COL26A1: variants seen among roughly 807,000 people sequenced by gnomAD.
The protein encoded by COL26A1 is collagen type XXVI alpha 1 chain, also known as collagen alpha-1(XXVI) chain.
Under a neutral mutation model 59.3 loss-of-function variants are expected in COL26A1, and 41 were observed. The observed-to-expected ratio is 0.69, with a 90% CI of 0.54 to 0.90. The LOEUF is 0.90. COL26A1 is among the 40% of genes least tolerant of loss of function. The probability of loss-of-function intolerance (pLI) is 0.00; values close to 1 mark genes in which losing one functional copy is unlikely to be tolerated. For synonymous variants in COL26A1, 266 were observed against 256.0 expected (o/e 1.04, Z -0.37); for missense variants, 612 against 602.3 (o/e 1.02, Z -0.17).
At chr7:101,531,656 G>A (rs546723367) in intron 3 of COL26A1, among the ~76,000 whole-genome samples, 24 of 152,256 alleles carry the variant, frequency 1.6e-4, no homozygotes, top group African/African-American at 5.3e-4. Flanking sequence ...CTCTTGACCC[G>A]AGACTGAGCA....
chr7:101,482,538 G>T (rs1327931239), intron 3 of COL26A1, among the ~76,000 whole-genome samples: 5 of 152,100 alleles, frequency 3.3e-5, no homozygotes, highest in Admixed American at 6.6e-5. Flanking sequence ...CATGATGCAG[G>T]ATATTGTAAT....
At chr7:101,436,516 T>C (rs1431109246) in intron 2 of COL26A1, among the ~76,000 whole-genome samples, 2 of 151,682 alleles carry the variant, frequency 1.3e-5, no homozygotes, top group Non-Finnish European at 2.9e-5. Context: ...GGCATCTGGC[T>C]CCCCCAGGCA....
chr7:101,539,268 C>A lies in COL26A1; in HGVS notation c.448-625C>A, dbSNP rs1795551086. Reference sequence around the variant, plus strand: ...CTCTCCTCCCTCCCTTTCTTCCCTTCCTTTTCTGTCTGTGTGTGTGTGTGT... The same window carrying A: ...CTCTCCTCCCTCCCTTTCTTCCCTTACTTTTCTGTCTGTGTGTGTGTGTGT... On this transcript the variant is annotated intron_variant, in intron 4 of 12. Transcript: ENST00000313669. Among the ~76,000 whole-genome samples, 5 of 151,342 alleles carry A rather than the reference C, an allele frequency of 3.3e-5. No homozygotes were observed. The South Asian group carries it at 1.0e-3, about 32-fold the overall frequency.
intron 2 of COL26A1, among the ~76,000 whole-genome samples, chr7:101,423,270 C>A (rs1357194651): frequency 6.6e-6 from 1 of 150,614 alleles, no homozygotes; most frequent in Non-Finnish European, 1.5e-5. Context: ...CCTCTCAAAA[C>A]AAAAACCAAA....
intron 1 of COL26A1, among the ~76,000 whole-genome samples, chr7:101,369,940 G>A (rs10953340): frequency 0.58 from 87,955 of 151,616 alleles, 27,094 homozygotes; most frequent in African/African-American, 0.8. Context: ...TCGGCTCACC[G>A]CAACTTCCGC....
At chr7:101,520,450 C>T (rs13223741) in intron 3 of COL26A1, among the ~76,000 whole-genome samples, 5,348 of 152,116 alleles carry the variant, frequency 0.035, 122 homozygotes, top group Non-Finnish European at 0.052. Context: ...TTTGAGAGGC[C>T]GAGGTGGGAG....
At chr7:101,427,459 C>T (rs1792675494) in intron 2 of COL26A1, among the ~76,000 whole-genome samples, 2 of 151,806 alleles carry the variant, frequency 1.3e-5, no homozygotes, top group African/African-American at 4.8e-5. Flanking sequence ...GTCAGGAGTT[C>T]GAGACCAGCC....
chr7:101,436,402 T>C (rs1047899654), intron 2 of COL26A1, among the ~76,000 whole-genome samples: 1 of 152,158 alleles, frequency 6.6e-6, no homozygotes, highest in Admixed American at 6.5e-5. Flanking sequence ...CCCAGTCTGT[T>C]TCTCCCCTCG....
chr7:101,513,571 T>C (rs1167035472), intron 3 of COL26A1, among the ~76,000 whole-genome samples: 1 of 151,774 alleles, frequency 6.6e-6, no homozygotes, highest in East Asian at 1.9e-4. Flanking sequence ...TCTCAAGCTC[T>C]TGGCCTCAAG....
intron 11 of COL26A1, 104 bp downstream of exon 11, chr7:101,553,480 C>A (rs761478868): frequency 3.6e-4 from 412 of 1,159,470 alleles, no homozygotes; most frequent in Non-Finnish European, 4.7e-4. Context: ...CAGCCAGCCC[C>A]GAGCTGGGTG....
chr7:101,475,967 CTT>C (rs1381401056), intron 3 of COL26A1, among the ~76,000 whole-genome samples: 4 of 147,378 alleles, frequency 2.7e-5, no homozygotes, highest in Non-Finnish European at 5.9e-5. Context: ...CTCCCTCTCT[CTT>C]TGTCTCTCTT....
intron 3 of COL26A1, among the ~76,000 whole-genome samples, chr7:101,457,480 T>C (rs982361015): frequency 2.6e-5 from 4 of 152,102 alleles, no homozygotes; most frequent in African/African-American, 7.2e-5. Context: ...AAGGAATCCG[T>C]TTTAGGGAGA....
chr7:101,488,593 C>G (rs1006203822), intron 3 of COL26A1, among the ~76,000 whole-genome samples: 1 of 151,804 alleles, frequency 6.6e-6, no homozygotes, highest in Non-Finnish European at 1.5e-5. Flanking sequence ...CCAGGCTGGT[C>G]TCGAACCCCT....
chr7:101,419,056 CTCTT>C (rs1792445200), intron 1 of COL26A1, among the ~76,000 whole-genome samples: 1 of 140,398 alleles, frequency 7.1e-6, no homozygotes, highest in African/African-American at 2.7e-5. Flanking sequence ...CCTTCTCTCT[CTCTT>C]TCTCTCTCAT....
At chr7:101,474,634 T>C (rs1793989943) in intron 3 of COL26A1, among the ~76,000 whole-genome samples, 1 of 152,110 alleles carries the variant, frequency 6.6e-6, no homozygotes, top group Non-Finnish European at 1.5e-5. Context: ...AGGGTTGCAC[T>C]GTGTCTGGGG....
chr7:101,524,772 TA>T (rs1013329675), intron 3 of COL26A1, among the ~76,000 whole-genome samples: 1 of 152,226 alleles, frequency 6.6e-6, no homozygotes, highest in African/African-American at 2.4e-5. Flanking sequence ...AAACTGTCTT[TA>T]TATTCCAGCC....
At chr7:101,425,568 C>T (rs1792624987) in intron 2 of COL26A1, among the ~76,000 whole-genome samples, 1 of 152,022 alleles carries the variant, frequency 6.6e-6, no homozygotes, top group Admixed American at 6.6e-5. Flanking sequence ...GTGATCTCGG[C>T]TCACTGCAAC....
chr7:101,458,488 A>T (rs78880660), intron 3 of COL26A1, among the ~76,000 whole-genome samples: 39,852 of 151,602 alleles, frequency 0.26, 5,627 homozygotes, highest in Middle Eastern at 0.33. Context: ...ATCCAAAAAA[A>T]CTAGCCGGGC....
intron 3 of COL26A1, among the ~76,000 whole-genome samples, chr7:101,453,426 G>A (rs1169862724): frequency 6.6e-6 from 1 of 152,216 alleles, no homozygotes; most frequent in Non-Finnish European, 1.5e-5. Context: ...TGACTGAAAT[G>A]TCGTTATGTG....
Sources: gnomAD v4.1 joint callset for allele counts (sites outside exome capture counted in the v4.1 genomes callset) on GRCh38, gnomAD v4.1.1 for gene constraint, MANE v1.5 for transcripts, NCBI Gene and HGNC (gene_info 2026-07-23, HGNC 2026-07-21) for gene names.